The following COL5A2 variants were observed in gnomAD, a reference collection of about 807,000 sequenced individuals.
COL5A2 encodes collagen alpha-2(V) chain.
Under a neutral mutation model 208.2 loss-of-function variants are expected in COL5A2, and 23 were observed. The observed-to-expected ratio is 0.11, with a 90% CI of 0.08 to 0.16. The LOEUF (loss-of-function observed/expected upper bound fraction) is 0.16. Ranked by LOEUF, COL5A2 falls within the 10% of genes least tolerant of loss-of-function variation. The pLI, the probability that COL5A2 is intolerant of heterozygous loss-of-function variation, is 1.00. For synonymous variants in COL5A2, 625 were observed against 628.5 expected (o/e 0.99, Z 0.08); for missense variants, 1,590 against 1,956.4 (o/e 0.81, Z 3.53).
At chr2:189,157,409 A>G (rs1688275850) in intron 1 of COL5A2, among the ~76,000 whole-genome samples, 1 of 151,984 alleles carries the variant, frequency 6.6e-6, no homozygotes, top group African/African-American at 2.4e-5. Flanking sequence ...CATTAAATTG[A>G]CAGAGCATGC....
At position 189,085,778 on chromosome 2, in the gene COL5A2, G is replaced by A. The variant is rs375276242; in HGVS notation, c.691-6C>T. On this transcript the variant is annotated splice_region_variant and splice_polypyrimidine_tract_variant and intron_variant, in intron 9 of 53. Coordinates refer to ENST00000374866, the MANE Select transcript of COL5A2 (RefSeq NM_000393.5). ...CCTGTAGGTCCTGCACCACCCTACA[G>A]TTGAAAACAAAGTATATATACAAAC... 6.2e-7 allele frequency: 1 copy of A among 1,610,764 alleles called. No homozygotes were observed. The highest frequency in any genetic ancestry group is 8.5e-7 in the Non-Finnish European group (1 of 1,177,258).
At chr2:189,228,010 A>C (rs529420747), upstream of COL5A2, among the ~76,000 whole-genome samples, 4 of 152,138 alleles carry the variant, frequency 2.6e-5, no homozygotes, top group African/African-American at 9.6e-5. Context: ...TGCAACTGGA[A>C]ATCAACTGCA....
the COL5A2 span, among the ~76,000 whole-genome samples, chr2:189,322,230 G>T: frequency 6.6e-6 from 1 of 152,294 alleles, no homozygotes; most frequent in South Asian, 2.1e-4. Flanking sequence ...AAGCAGGAAA[G>T]ATCTAAAATT....
At chr2:189,301,651 G>A in the COL5A2 span, among the ~76,000 whole-genome samples, 1 of 152,062 alleles carries the variant, frequency 6.6e-6, no homozygotes, top group Non-Finnish European at 1.5e-5. Context: ...TACGGCATGA[G>A]TTACTCAAAA....
chr2:189,082,786 G>A (rs1211200359), intron 12 of COL5A2, among the ~76,000 whole-genome samples: 1 of 152,220 alleles, frequency 6.6e-6, no homozygotes, highest in African/African-American at 2.4e-5. Context: ...GGCCCACACT[G>A]TGAGCATGAG....
At chr2:189,415,805 G>A in the COL5A2 span, among the ~76,000 whole-genome samples, 9 of 152,168 alleles carry the variant, frequency 5.9e-5, no homozygotes, top group East Asian at 1.9e-4. Context: ...GGCTACAGGC[G>A]CCTACCACCA....
chr2:189,348,101 C>T, the COL5A2 span, among the ~76,000 whole-genome samples: 1 of 152,050 alleles, frequency 6.6e-6, no homozygotes, highest in Admixed American at 6.6e-5. Flanking sequence ...ATTTTTAGAG[C>T]AACCCTTGCT....
the COL5A2 span, among the ~76,000 whole-genome samples, chr2:189,348,312 A>C: frequency 6.6e-6 from 1 of 152,208 alleles, no homozygotes; most frequent in East Asian, 1.9e-4. Context: ...ACCCACAAAT[A>C]TTACCTCAAG....
chr2:189,099,689 T>G (rs940206761), intron 4 of COL5A2, among the ~76,000 whole-genome samples: 2 of 152,164 alleles, frequency 1.3e-5, no homozygotes, highest in African/African-American at 4.8e-5. Context: ...TTAATCCTGT[T>G]TAGTAACATA....
Position 189,121,041 on chromosome 2 carries a change from A to G in COL5A2, c.98-10592T>C, listed in dbSNP as rs569364499. On this transcript the variant is annotated intron_variant, in intron 1 of 53. Transcript: ENST00000374866. ...TACAGACTACTGAGAGAACCAGTGC[A>G]GTAACAGATTATTAGAACATAATTC... 4.3e-4 allele frequency among the ~76,000 whole-genome samples: 65 copies of G among 152,344 alleles called. 1 individual carries two copies. The highest frequency in any genetic ancestry group is 4.0e-3 in the Admixed American group (61 of 15,300).
At chr2:189,355,012 T>C in the COL5A2 span, among the ~76,000 whole-genome samples, 1 of 152,230 alleles carries the variant, frequency 6.6e-6, no homozygotes, top group Non-Finnish European at 1.5e-5. Flanking sequence ...AGAACATCTC[T>C]ATTTCTGCCT....
intron 1 of COL5A2, among the ~76,000 whole-genome samples, chr2:189,156,958 C>A (rs1249837119): frequency 6.6e-6 from 1 of 151,844 alleles, no homozygotes; most frequent in African/African-American, 2.4e-5. Flanking sequence ...ATGGTAAATT[C>A]ACTCTAGGCA....
At chr2:189,359,366 G>A in the COL5A2 span, among the ~76,000 whole-genome samples, 2 of 152,138 alleles carry the variant, frequency 1.3e-5, no homozygotes, top group Admixed American at 1.3e-4. Flanking sequence ...TTAGTATGGT[G>A]TATCACATTT....
At position 189,039,390 on chromosome 2, in the gene COL5A2, A is replaced by G; in HGVS notation, c.3807T>C (p.His1269=). Residue 1269 remains histidine (H), a synonymous_variant, in exon 51 of 54, where the codon CAT becomes CAC. Transcript: ENST00000374866. ...DDKNKTDPGV[H]ATLKSLSSQI... ...GACTACTGAGTGACTTCAGGGTAGC[A>G]TGAACCCCTGGGTCCGTTTTGTTTT... The G allele has an allele frequency of 1.9e-6, 3 of 1,614,058 alleles. No homozygotes were observed. The highest frequency in any genetic ancestry group is 2.5e-6 in the Non-Finnish European group (3 of 1,180,016).
At chr2:189,437,885 T>A in the COL5A2 span, among the ~76,000 whole-genome samples, 1 of 152,150 alleles carries the variant, frequency 6.6e-6, no homozygotes, top group African/African-American at 2.4e-5. Context: ...CTGTACATGG[T>A]GTTTATATCT....
the COL5A2 span, among the ~76,000 whole-genome samples, chr2:189,368,149 T>G: frequency 3.3e-5 from 5 of 152,332 alleles, no homozygotes; most frequent in Non-Finnish European, 7.3e-5. Context: ...TTATTCTCAT[T>G]TTAATTTTTA....
chr2:189,140,029 C>A (rs13033421), intron 1 of COL5A2, among the ~76,000 whole-genome samples: 89,906 of 151,636 alleles, frequency 0.59, 28,125 homozygotes, highest in East Asian at 0.78. Context: ...GCCAAGATGG[C>A]GCCGCTGCAC....
intron 18 of COL5A2, among the ~76,000 whole-genome samples, chr2:189,069,622 T>G (rs1049683839): frequency 1.3e-5 from 2 of 152,192 alleles, no homozygotes; most frequent in Admixed American, 6.5e-5. Context: ...TTTCCAATAT[T>G]TATAAAACAA....
At chr2:189,058,202 G>A (rs745931041) in intron 33 of COL5A2, among the ~76,000 whole-genome samples, 4 of 152,110 alleles carry the variant, frequency 2.6e-5, no homozygotes, top group Non-Finnish European at 4.4e-5. Context: ...CTATCACCAT[G>A]TGCACTAAAC....
Sources: allele counts gnomAD v4.1 joint callset (sites outside exome capture counted in the v4.1 genomes callset), GRCh38; gene constraint gnomAD v4.1.1; transcripts MANE v1.5; gene names NCBI Gene and HGNC (gene_info 2026-07-23, HGNC 2026-07-21).